The following BCHE variants were observed in gnomAD, a reference collection of about 807,000 sequenced individuals.
BCHE encodes the protein cholinesterase.
Under a neutral mutation model 51.3 loss-of-function variants are expected in BCHE, and 48 were observed. The ratio of observed to expected loss-of-function variants is 0.94; its 90% CI spans 0.74 to 1.19. BCHE has a LOEUF of 1.19. Among genes scored for constraint, BCHE ranks in the 50% most tolerant of loss-of-function variants. BCHE has a pLI of 0.00. For synonymous variants in BCHE, 251 were observed against 238.0 expected, an observed-to-expected ratio of 1.05 and a Z score of -0.50; for missense variants, 847 against 708.2, an observed-to-expected ratio of 1.20 and a Z score of -2.23.
chr3:165,821,635 T>C (rs1174282115), intron 2 of BCHE, among the ~76,000 whole-genome samples: 1 of 151,988 alleles, frequency 6.6e-6, no homozygotes, highest in Non-Finnish European at 1.5e-5. Flanking sequence ...TTAATGACGT[T>C]ATGGCCATCT....
chr3:165,788,153 C>CT (rs1283679779), intron 2 of BCHE, among the ~76,000 whole-genome samples: 1 of 151,788 alleles, frequency 6.6e-6, no homozygotes, highest in Non-Finnish European at 1.5e-5. Context: ...GCCAAAGTCT[C>CT]TAAGTCCAGT....
chr3:165,811,858 T>A (rs1315395327), intron 2 of BCHE, among the ~76,000 whole-genome samples: 2 of 151,960 alleles, frequency 1.3e-5, no homozygotes, highest in Non-Finnish European at 2.9e-5. Context: ...CTAGGTGGTC[T>A]AGTAAAAAGA....
At chr3:165,796,252 A>G (rs980935640) in intron 2 of BCHE, among the ~76,000 whole-genome samples, 2 of 152,198 alleles carry the variant, frequency 1.3e-5, no homozygotes, top group African/African-American at 2.4e-5. Flanking sequence ...GCAAAGACCA[A>G]TTATGATATA....
chr3:165,782,018 C>G (rs1712725061), intron 3 of BCHE, among the ~76,000 whole-genome samples: 1 of 151,796 alleles, frequency 6.6e-6, no homozygotes, highest in Non-Finnish European at 1.5e-5. Context: ...TACTTTATAC[C>G]TAGGCTAGCA....
intron 2 of BCHE, among the ~76,000 whole-genome samples, chr3:165,819,329 C>T (rs1465899326): frequency 1.3e-5 from 2 of 151,924 alleles, no homozygotes; most frequent in Non-Finnish European, 2.9e-5. Context: ...CCTCCCGTTT[C>T]GGCCTCCCAA....
At chr3:165,832,712 T>C (rs569235029) in intron 1 of BCHE, among the ~76,000 whole-genome samples, 17 of 152,342 alleles carry the variant, frequency 1.1e-4, no homozygotes, top group Admixed American at 9.8e-4. Flanking sequence ...TTTCTCATGC[T>C]GTAATTAGGT....
At chr3:165,804,605 G>T (rs148208356) in intron 2 of BCHE, among the ~76,000 whole-genome samples, 2 of 152,176 alleles carry the variant, frequency 1.3e-5, no homozygotes, top group African/African-American at 4.8e-5. Flanking sequence ...TTGATTTTGC[G>T]ATCTGATTAA....
At chr3:165,809,424 T>C (rs1713994611) in intron 2 of BCHE, among the ~76,000 whole-genome samples, 1 of 152,190 alleles carries the variant, frequency 6.6e-6, no homozygotes, top group East Asian at 1.9e-4. Context: ...TATGGCATTC[T>C]GAGTAAAACT....
At chr3:165,781,563 G>T (rs1472641161) in intron 3 of BCHE, among the ~76,000 whole-genome samples, 1 of 151,930 alleles carries the variant, frequency 6.6e-6, no homozygotes, top group African/African-American at 2.4e-5. Flanking sequence ...GACACAGGGA[G>T]GGGAACAGTA....
chr3:165,801,160 A>G (rs1339777960), intron 2 of BCHE, among the ~76,000 whole-genome samples: 2 of 152,196 alleles, frequency 1.3e-5, no homozygotes, highest in Non-Finnish European at 2.9e-5. Context: ...AATATAGCAC[A>G]AGCAATTCCT....
intron 2 of BCHE, among the ~76,000 whole-genome samples, chr3:165,788,022 T>C (rs1344081976): frequency 6.6e-6 from 1 of 152,068 alleles, no homozygotes; most frequent in Non-Finnish European, 1.5e-5. Flanking sequence ...TGAAATTTTC[T>C]AAAAGTTCAA....
At chr3:165,803,631 T>C (rs1365572041) in intron 2 of BCHE, among the ~76,000 whole-genome samples, 1 of 152,200 alleles carries the variant, frequency 6.6e-6, no homozygotes, top group Non-Finnish European at 1.5e-5. Context: ...TTGGTTATTT[T>C]TCTAAAGGTC....
In BCHE at chr3:165,824,667, C is replaced by A. The variant is rs115687791; in HGVS notation, c.1517+4850G>T. ...CAAATTAAAAAATTGATAAATCTAC[C>A]AAACTTTATAAGTGAAATTAGCAAG... On this transcript the variant is annotated intron_variant, in intron 2 of 3. Transcript: ENST00000264381. Among the ~76,000 whole-genome samples, 813 of 151,908 alleles carry A rather than the reference C, an allele frequency of 5.4e-3. 6 individuals carry two copies. The highest frequency in any genetic ancestry group is 0.019 in the African/African-American group (777 of 41,452).
In BCHE at chr3:165,815,853, T is replaced by C. The variant is rs545874149; in HGVS notation, c.1517+13664A>G. On this transcript the variant is annotated intron_variant, in intron 2 of 3. Transcript: ENST00000264381. The stretch of plus-strand genomic sequence containing the variant: ...AGCAGCACGTACATGTTTTGTGGTC[T>C]AGGGTCAATATTTTGTCACTACTTA... Among the ~76,000 whole-genome samples, 5 of 152,164 alleles carry C rather than the reference T, an allele frequency of 3.3e-5. No individual in the cohort carries two copies. The South Asian group carries it at 1.0e-3, about 32-fold the overall frequency.
At chr3:165,811,850 A>C (rs2108222128) in intron 2 of BCHE, among the ~76,000 whole-genome samples, 1 of 152,108 alleles carries the variant, frequency 6.6e-6, no homozygotes, top group Non-Finnish European at 1.5e-5. Flanking sequence ...CAAGGTAGCT[A>C]GGTGGTCTAG....
At chr3:165,789,016 G>T (rs1713068070) in intron 2 of BCHE, among the ~76,000 whole-genome samples, 3 of 152,032 alleles carry the variant, frequency 2.0e-5, no homozygotes, top group Admixed American at 2.0e-4. Context: ...TTTCCACCAT[G>T]CACAATTCCA....
chr3:165,797,601 T>C (rs1409344822), intron 2 of BCHE, among the ~76,000 whole-genome samples: 1 of 151,926 alleles, frequency 6.6e-6, no homozygotes, highest in Non-Finnish European at 1.5e-5. Flanking sequence ...CTAGAACACT[T>C]ATTTTAATAA....
chr3:165,821,283 G>A (rs1478627196), intron 2 of BCHE, among the ~76,000 whole-genome samples: 1 of 151,478 alleles, frequency 6.6e-6, no homozygotes, highest in African/African-American at 2.4e-5. Context: ...TCTTGGTGAA[G>A]GGATTTGCAC....
At chr3:165,812,613 T>C (rs148303291) in intron 2 of BCHE, among the ~76,000 whole-genome samples, 286 of 151,954 alleles carry the variant, frequency 1.9e-3, no homozygotes, top group African/African-American at 6.7e-3. Flanking sequence ...TGTAGAACAA[T>C]AGAAAAATAA....
Sources: gnomAD v4.1 joint callset for allele counts (sites outside exome capture counted in the v4.1 genomes callset) on GRCh38, gnomAD v4.1.1 for gene constraint, MANE v1.5 for transcripts, NCBI Gene and HGNC (gene_info 2026-07-23, HGNC 2026-07-21) for gene names.